ITPR2: variants seen among roughly 807,000 people sequenced by gnomAD.
ITPR2 encodes the protein inositol 1,4,5-trisphosphate receptor type 2, also known as inositol 1,4,5-trisphosphate-gated calcium channel ITPR2.
A neutral mutation model predicts 317.1 loss-of-function variants in ITPR2; 207 were observed. The ratio of observed to expected loss-of-function variants is 0.65; its 90% CI spans 0.58 to 0.73. ITPR2 has a LOEUF of 0.73. ITPR2 is among the 30% of genes least tolerant of loss of function. The pLI is 0.00. For synonymous variants in ITPR2, 1,156 were observed against 1,149.1 expected (o/e 1.01, Z -0.12); for missense variants, 2,613 against 3,284.0 (o/e 0.80, Z 4.99).
chr12:26,738,385 G>A (rs182830137), intron 2 of ITPR2, among the ~76,000 whole-genome samples: 10 of 152,056 alleles, frequency 6.6e-5, no homozygotes, highest in Admixed American at 6.5e-4. Context: ...ATGAGAAGTG[G>A]GGAACAGAGA....
At chr12:26,407,669 T>C (rs911643820) in intron 52 of ITPR2, among the ~76,000 whole-genome samples, 3 of 152,236 alleles carry the variant, frequency 2.0e-5, no homozygotes, top group Admixed American at 6.5e-5. Flanking sequence ...TATAGTGATC[T>C]TTTAATTAGG....
chr12:26,469,266 A>G (rs1942244581), intron 45 of ITPR2, among the ~76,000 whole-genome samples: 1 of 152,220 alleles, frequency 6.6e-6, no homozygotes, highest in Admixed American at 6.5e-5. Flanking sequence ...TTGAAAGACT[A>G]TCTTATAATA....
intron 45 of ITPR2, among the ~76,000 whole-genome samples, chr12:26,462,977 T>G (rs1035068322): frequency 3.3e-5 from 5 of 152,148 alleles, no homozygotes; most frequent in African/African-American, 1.2e-4. Flanking sequence ...TGAGCTATAG[T>G]TAAGCTTTCT....
At chr12:26,386,523 AGAT>A (rs1939667970) in intron 55 of ITPR2, among the ~76,000 whole-genome samples, 1 of 152,216 alleles carries the variant, frequency 6.6e-6, no homozygotes, top group African/African-American at 2.4e-5. Flanking sequence ...CTTCCTAAGC[AGAT>A]GATAAGTTTG....
rs759162814 is a variant in ITPR2 at position 26,597,003 on chromosome 12, C to T, written c.4134G>A (p.Leu1378=). The change falls in exon 31 of 57, where the codon CTG becomes CTA. Residue 1378 remains leucine (L), a synonymous_variant. Transcript: ENST00000381340. ...CTGTGCATGCTGCCAGCAACTCCAC[C>T]AGGGTGATGTGGTAGGCTAAGGGGC... ...ESGPLAYHIT[L]VELLAACTEG... The T allele has an allele frequency of 3.7e-6, 6 of 1,613,764 alleles. No homozygotes were observed. In the East Asian group the frequency reaches 1.1e-4, roughly 30 times the overall value.
At chr12:26,724,596 T>G (rs1157763854) in intron 4 of ITPR2, 60 bp downstream of exon 4, 3 of 1,073,296 alleles carry the variant, frequency 2.8e-6, no homozygotes, top group Non-Finnish European at 4.2e-6. Context: ...TTGGCTTTCC[T>G]GCCAACTTAC....
intron 45 of ITPR2, among the ~76,000 whole-genome samples, chr12:26,462,911 A>G (rs985913805): frequency 7.2e-5 from 11 of 152,138 alleles, no homozygotes; most frequent in Admixed American, 2.6e-4. Flanking sequence ...ACCTCAAATG[A>G]TCTACCTGCC....
At chr12:26,769,158 C>G (rs964202501) in intron 2 of ITPR2, among the ~76,000 whole-genome samples, 5 of 152,132 alleles carry the variant, frequency 3.3e-5, no homozygotes, top group Admixed American at 6.5e-5. Flanking sequence ...AGCAAGGTTC[C>G]AGGAGAACAA....
At chr12:26,398,057 G>GT (rs1940055093) in intron 54 of ITPR2, among the ~76,000 whole-genome samples, 6 of 135,000 alleles carry the variant, frequency 4.4e-5, no homozygotes, top group African/African-American at 8.6e-5. Flanking sequence ...GGAGGGGAGT[G>GT]GTGTGTGTGT....
chr12:26,629,778 C>G (rs1946707599), intron 22 of ITPR2, among the ~76,000 whole-genome samples: 2 of 151,988 alleles, frequency 1.3e-5, no homozygotes, highest in African/African-American at 4.8e-5. Flanking sequence ...CCGACCCACC[C>G]AGCCTTTGCT....
intron 34 of ITPR2, among the ~76,000 whole-genome samples, chr12:26,564,375 T>A (rs574164709): frequency 6.6e-6 from 1 of 152,288 alleles, no homozygotes; most frequent in South Asian, 2.1e-4. Flanking sequence ...CATCTCCAAA[T>A]TAAAAAGGTC....
intron 21 of ITPR2, among the ~76,000 whole-genome samples, chr12:26,640,071 C>T (rs1946951676): frequency 6.6e-6 from 1 of 152,126 alleles, no homozygotes; most frequent in Non-Finnish European, 1.5e-5. Flanking sequence ...TATCATAGGT[C>T]ACCAGAGATT....
intron 2 of ITPR2, among the ~76,000 whole-genome samples, chr12:26,735,016 T>C (rs988688736): frequency 1.3e-5 from 2 of 150,686 alleles, no homozygotes; most frequent in African/African-American, 4.9e-5. Context: ...TTTTTTTTTT[T>C]TGAGATGGAG....
intron 55 of ITPR2, among the ~76,000 whole-genome samples, chr12:26,368,563 AAT>A (rs1356935162): frequency 2.6e-5 from 4 of 152,216 alleles, no homozygotes; most frequent in Admixed American, 6.5e-5. Flanking sequence ...ACAGCTAGGA[AAT>A]GGCCAAGCTG....
At chr12:26,652,336 TAC>T (rs557717668) in intron 21 of ITPR2, among the ~76,000 whole-genome samples, 64 of 152,382 alleles carry the variant, frequency 4.2e-4, no homozygotes, top group African/African-American at 1.4e-3. Flanking sequence ...TATTGATTTG[TAC>T]AGTTTTTTGA....
Position 26,561,904 on chromosome 12 carries a change from T to A in ITPR2, c.4679A>T (p.Asn1560Ile). 4 of 1,561,680 alleles carry A rather than the reference T, an allele frequency of 2.6e-6. No individual in the cohort carries two copies. Among genetic ancestry groups the A allele is most frequent in the Non-Finnish European group, 3.4e-6 (4 of 1,163,418 alleles). The change falls in exon 35 of 57, where the codon AAT (asparagine) becomes ATT (isoleucine). Residue 1560 changes from asparagine (N) to isoleucine (I), a missense_variant. Around this residue, in one of 9 missense-constraint regions of ITPR2, gnomAD observed 926 missense variants for 1,072.8 expected, o/e 0.86. Coordinates refer to ENST00000381340, the MANE Select transcript of ITPR2 (RefSeq NM_002223.4). ...TGAATGGCTCTTCATGAAAAGAGTA[T>A]TAACTTGGCTGTCCAAATCCACTGG... ...AIPVDLDSQV[N>I]TLFMKSHSNM...
chr12:26,552,439 C>T (rs1479564136), intron 36 of ITPR2, among the ~76,000 whole-genome samples: 3 of 152,138 alleles, frequency 2.0e-5, no homozygotes, highest in African/African-American at 4.8e-5. Flanking sequence ...GCTTCAGCCT[C>T]CCAAAGTGCT....
rs1245735450 is a variant in ITPR2, at chr12:26,621,153, A to T, written c.3432T>A (p.Ser1144Arg). Reference sequence around the variant, plus strand: ...TTGGCTCTTCACCACCTTTCACTTGACTTTCCCCTATTTCTCCATTCTCAT... The same window carrying T: ...TTGGCTCTTCACCACCTTTCACTTGTCTTTCCCCTATTTCTCCATTCTCAT... ...SNYENGEIGE[S>R]QVKGGEEPIE... The change falls in exon 26 of 57, where the codon AGT (serine) becomes AGA (arginine). Residue 1144 changes from serine (S) to arginine (R), a missense_variant. Physicochemically the swap from Ser to Arg is moderately radical, Grantham distance 110. Around this residue, in one of 9 missense-constraint regions of ITPR2, gnomAD observed 817 missense variants for 897.6 expected, o/e 0.91. Transcript: ENST00000381340. 1 of 1,613,586 alleles carries T rather than the reference A, an allele frequency of 6.2e-7. No homozygotes were observed. The highest frequency in any genetic ancestry group is 8.5e-7 in the Non-Finnish European group (1 of 1,179,776).
chr12:26,691,548 A>ATTTT (rs1948240559), intron 10 of ITPR2, among the ~76,000 whole-genome samples: 2 of 151,316 alleles, frequency 1.3e-5, no homozygotes, highest in African/African-American at 4.9e-5. Flanking sequence ...TCACTCAGAA[A>ATTTT]GAAAGCCACA....
Sources: gnomAD v4.1 joint callset for allele counts (sites outside exome capture counted in the v4.1 genomes callset) on GRCh38, gnomAD v4.1.1 for gene constraint, gnomAD v4.1.1 regional missense constraint, MANE v1.5 for transcripts, NCBI Gene and HGNC (gene_info 2026-07-23, HGNC 2026-07-21) for gene names.